DPYD: variants seen among roughly 807,000 people sequenced by gnomAD.
DPYD encodes the protein dihydropyrimidine dehydrogenase.
In DPYD, 109 loss-of-function variants were observed where a neutral mutation model predicts 116.2. The observed-to-expected ratio is 0.94, with a 90% CI of 0.80 to 1.10. The LOEUF is 1.10. DPYD is among the 50% of genes least tolerant of loss of function. The pLI is 0.00. For missense variants in DPYD, 1,302 were observed against 1,254.5 expected, an observed-to-expected ratio of 1.04 and a Z score of -0.57; for synonymous variants, 440 against 432.0, an observed-to-expected ratio of 1.02 and a Z score of -0.23.
chr1:97,361,034 T>C (rs532081027), intron 16 of DPYD, among the ~76,000 whole-genome samples: 5 of 151,776 alleles, frequency 3.3e-5, no homozygotes, highest in Admixed American at 6.6e-5. Flanking sequence ...TTTGAAAAGA[T>C]CAACAAAATT....
chr1:97,154,012 T>A (rs945087503), intron 20 of DPYD, among the ~76,000 whole-genome samples: 1 of 149,420 alleles, frequency 6.7e-6, no homozygotes, highest in East Asian at 2.0e-4. Flanking sequence ...GATATCGTGA[T>A]GTGATGAAAA....
chr1:97,367,660 A>AT (rs1671107060), intron 16 of DPYD, among the ~76,000 whole-genome samples: 1 of 152,206 alleles, frequency 6.6e-6, no homozygotes, highest in Admixed American at 6.5e-5. Flanking sequence ...AAGCTACGGC[A>AT]GTCTTCTCTC....
chr1:97,632,615 A>T (rs1187023800), intron 8 of DPYD, among the ~76,000 whole-genome samples: 1 of 152,126 alleles, frequency 6.6e-6, no homozygotes, highest in Non-Finnish European at 1.5e-5. Context: ...CTCTCATTGG[A>T]AAAGTTTTAA....
chr1:97,219,489 T>C (rs937630983), intron 19 of DPYD, among the ~76,000 whole-genome samples: 2 of 152,164 alleles, frequency 1.3e-5, no homozygotes, highest in African/African-American at 4.8e-5. Flanking sequence ...ACAGAACATG[T>C]GCTTTGGAGA....
intron 20 of DPYD, among the ~76,000 whole-genome samples, chr1:97,142,017 C>A (rs1237967216): frequency 6.6e-6 from 1 of 152,114 alleles, no homozygotes; most frequent in Non-Finnish European, 1.5e-5. Context: ...CAAAGAACTC[C>A]TTTGATTGAC....
chr1:97,156,724 C>T (rs1256390640), intron 20 of DPYD, among the ~76,000 whole-genome samples: 1 of 151,824 alleles, frequency 6.6e-6, no homozygotes, highest in East Asian at 1.9e-4. Flanking sequence ...CCTCAGGGAC[C>T]TAGAACTAGA....
At chr1:97,370,566 C>A (rs921376045) in intron 16 of DPYD, among the ~76,000 whole-genome samples, 1 of 152,104 alleles carries the variant, frequency 6.6e-6, no homozygotes, top group African/African-American at 2.4e-5. Context: ...CTCATGTATC[C>A]CAGAACTTAA....
intron 4 of DPYD, among the ~76,000 whole-genome samples, chr1:97,732,615 A>G (rs1182268165): frequency 1.3e-5 from 2 of 152,138 alleles, no homozygotes; most frequent in Non-Finnish European, 2.9e-5. Context: ...CATACATTCA[A>G]TTAAGATGTG....
At chr1:97,590,646 C>T (rs1255317039) in intron 10 of DPYD, among the ~76,000 whole-genome samples, 2 of 152,178 alleles carry the variant, frequency 1.3e-5, no homozygotes, top group Admixed American at 6.5e-5. Context: ...TTCTACTAAG[C>T]TCTACTGCAG....
rs1056956783 is a variant in DPYD at position 97,688,442 on chromosome 1, C to T, written c.762+3275G>A. ...TAGAAATATATTGGCAAAATTGATA[C>T]GAGAATAAAATCAGTGGAAAAAACT... On this transcript the variant is annotated intron_variant, in intron 7 of 22. Transcript: ENST00000370192. Among the ~76,000 whole-genome samples the T allele has an allele frequency of 6.6e-5, 10 of 151,676 alleles. No individual in the cohort carries two copies. In the East Asian group the frequency reaches 9.7e-4, roughly 15 times the overall value.
intron 8 of DPYD, among the ~76,000 whole-genome samples, chr1:97,640,576 T>C (rs1657831248): frequency 6.6e-6 from 1 of 152,182 alleles, no homozygotes; most frequent in African/African-American, 2.4e-5. Flanking sequence ...CCCACAGTGC[T>C]GGGATTATAG....
intron 2 of DPYD, among the ~76,000 whole-genome samples, chr1:97,839,790 G>T (rs1410637933): frequency 1.3e-5 from 2 of 152,038 alleles, no homozygotes; most frequent in Non-Finnish European, 2.9e-5. Flanking sequence ...CCACAAGTTT[G>T]TAGTAATTCA....
intron 15 of DPYD, 21 bp from the exon 16 acceptor site, chr1:97,373,665 T>A: frequency 6.2e-7 from 1 of 1,608,786 alleles, no homozygotes; most frequent in Non-Finnish European, 8.5e-7. Flanking sequence ...GAAAGGAAAA[T>A]GAAAGAAAAG....
At chr1:97,812,781 T>C (rs921180605) in intron 3 of DPYD, among the ~76,000 whole-genome samples, 2 of 152,152 alleles carry the variant, frequency 1.3e-5, no homozygotes, top group Non-Finnish European at 2.9e-5. Context: ...AGTTTGCTCA[T>C]ATTAATTATA....
chr1:97,230,475 G>A (rs1661512827), intron 19 of DPYD, among the ~76,000 whole-genome samples: 1 of 152,120 alleles, frequency 6.6e-6, no homozygotes, highest in Non-Finnish European at 1.5e-5. Flanking sequence ...ACACACTGGG[G>A]CCTATGAGAG....
chr1:97,429,753 T>G (rs1448375233), intron 14 of DPYD, among the ~76,000 whole-genome samples: 2 of 152,152 alleles, frequency 1.3e-5, no homozygotes, highest in Admixed American at 1.3e-4. Flanking sequence ...TCATCATTAA[T>G]TATGATACCC....
chr1:97,404,402 T>C (rs939249389), intron 14 of DPYD, among the ~76,000 whole-genome samples: 4 of 152,104 alleles, frequency 2.6e-5, no homozygotes, highest in Non-Finnish European at 5.9e-5. Flanking sequence ...TCTCCAACTA[T>C]GCTAATAGAT....
chr1:97,105,006 G>A (rs1651030330), intron 20 of DPYD, among the ~76,000 whole-genome samples: 1 of 152,068 alleles, frequency 6.6e-6, no homozygotes, highest in Non-Finnish European at 1.5e-5. Context: ...TCCAAAAGCA[G>A]TTTATAGCCT....
intron 14 of DPYD, among the ~76,000 whole-genome samples, chr1:97,403,640 A>G (rs1384178662): frequency 2.0e-5 from 3 of 151,508 alleles, no homozygotes; most frequent in Admixed American, 6.6e-5. Context: ...TGTCCCTGGG[A>G]CCCGTAGTGA....
Sources: allele counts gnomAD v4.1 joint callset (sites outside exome capture counted in the v4.1 genomes callset), GRCh38; gene constraint gnomAD v4.1.1; transcripts MANE v1.5; gene names NCBI Gene and HGNC (gene_info 2026-07-23, HGNC 2026-07-21).